The following PAPPA2 variants were observed in gnomAD, a reference collection of about 807,000 sequenced individuals.
PAPPA2 encodes pappalysin 2.
Under a neutral mutation model 176.4 loss-of-function variants are expected in PAPPA2, and 86 were observed. The ratio of observed to expected loss-of-function variants is 0.49; its 90% CI spans 0.41 to 0.58. The LOEUF is 0.58. PAPPA2 is among the 20% of genes least tolerant of loss of function. The pLI is 0.00. For missense variants in PAPPA2, 2,073 were observed against 2,256.9 expected (o/e 0.92, Z 1.65); for synonymous variants, 809 against 852.2 (o/e 0.95, Z 0.88).
At chr1:176,782,593 A>C (rs1356173759) in intron 17 of PAPPA2, among the ~76,000 whole-genome samples, 3 of 152,152 alleles carry the variant, frequency 2.0e-5, no homozygotes. Flanking sequence ...TGAGGCTGGG[A>C]AGGTCATGGG....
At chr1:176,538,760 C>T (rs1336871416) in intron 1 of PAPPA2, among the ~76,000 whole-genome samples, 1 of 152,162 alleles carries the variant, frequency 6.6e-6, no homozygotes, top group African/African-American at 2.4e-5. Context: ...CAATATCCCA[C>T]AAATTCAAGC....
intron 4 of PAPPA2, among the ~76,000 whole-genome samples, chr1:176,674,734 G>GTTT (rs765026167): frequency 1.5e-5 from 2 of 137,278 alleles, no homozygotes; most frequent in Non-Finnish European, 1.6e-5. Context: ...GTGTGCAAGT[G>GTTT]TTTTTTTTTT....
intron 2 of PAPPA2, among the ~76,000 whole-genome samples, chr1:176,561,977 C>G (rs1336817533): frequency 6.6e-6 from 1 of 152,132 alleles, no homozygotes; most frequent in Admixed American, 6.5e-5. Flanking sequence ...CATGAGATCT[C>G]CTGAGACTTA....
chr1:176,701,402 G>A (rs1660646229), intron 8 of PAPPA2, among the ~76,000 whole-genome samples: 1 of 152,136 alleles, frequency 6.6e-6, no homozygotes, highest in African/African-American at 2.4e-5. Flanking sequence ...CCTTGTAAAG[G>A]GAAACTGTCA....
intron 1 of PAPPA2, among the ~76,000 whole-genome samples, chr1:176,505,468 A>T (rs1648204926): frequency 6.6e-6 from 1 of 152,060 alleles, no homozygotes; most frequent in Non-Finnish European, 1.5e-5. Flanking sequence ...GTAGAGAAAC[A>T]CGTGAAGTGA....
At position 176,710,162 on chromosome 1, in the gene PAPPA2, G is replaced by A; in HGVS notation, c.3637G>A (p.Glu1213Lys). ...KKCPVSLVTG[E>K]PHSLICTSYH... ...GTGTCCTGTTTCCTTGGTAACTGGA[G>A]AACCTCATTCCCTAGTAAGTTAAGC... Residue 1213 changes from glutamate to lysine, a missense_variant, in exon 11 of 23, where the codon GAA (glutamate) becomes AAA (lysine). Physicochemically the swap from Glu to Lys is moderately conservative, Grantham distance 56 (BLOSUM62 1). Around this residue, in one of 4 missense-constraint regions of PAPPA2, gnomAD observed 846 missense variants for 857.9 expected, o/e 0.99. Transcript: ENST00000367662. 2 of 1,613,368 alleles carry A rather than the reference G, an allele frequency of 1.2e-6. No homozygotes were observed. The highest frequency in any genetic ancestry group is 1.7e-6 in the Non-Finnish European group (2 of 1,179,590).
At chr1:176,770,264 A>G (rs1004689948) in intron 16 of PAPPA2, among the ~76,000 whole-genome samples, 3 of 152,172 alleles carry the variant, frequency 2.0e-5, no homozygotes, top group Non-Finnish European at 2.9e-5. Context: ...GAGGCTTGCT[A>G]TAATTGCAGA....
chr1:176,752,739 T>A (rs1446244661), intron 14 of PAPPA2, among the ~76,000 whole-genome samples: 1 of 152,190 alleles, frequency 6.6e-6, no homozygotes, highest in East Asian at 1.9e-4. Context: ...TGACACAAAT[T>A]TTCCCATTGC....
chr1:176,815,049 T>C (rs963783009), intron 21 of PAPPA2, among the ~76,000 whole-genome samples: 6 of 152,176 alleles, frequency 3.9e-5, no homozygotes, highest in Non-Finnish European at 7.3e-5. Context: ...AATCATGTGG[T>C]TTTTGTCTTC....
At chr1:176,731,954 A>C (rs1662179660) in intron 12 of PAPPA2, among the ~76,000 whole-genome samples, 1 of 152,116 alleles carries the variant, frequency 6.6e-6, no homozygotes, top group South Asian at 2.1e-4. Flanking sequence ...CAGATAGTCA[A>C]ATTCAAGTGC....
intron 1 of PAPPA2, among the ~76,000 whole-genome samples, chr1:176,467,658 G>T (rs994560213): frequency 6.6e-6 from 1 of 152,194 alleles, no homozygotes; most frequent in Non-Finnish European, 1.5e-5. Flanking sequence ...AGTGGAGCCA[G>T]CTAACTTCAC....
chr1:176,568,860 G>A (rs1652143125), intron 2 of PAPPA2, among the ~76,000 whole-genome samples: 1 of 152,178 alleles, frequency 6.6e-6, no homozygotes, highest in African/African-American at 2.4e-5. Flanking sequence ...TTCTTCAGCT[G>A]TTTGATTGCA....
chr1:176,690,911 T>TAAAAAAAAAA (rs3039065), intron 5 of PAPPA2: 1 of 776,846 alleles, frequency 1.3e-6, no homozygotes. Context: ...TGTATGTTAC[T>TAAAAAAAAAA]AAAAAAAAAA....
At chr1:176,682,832 T>C (rs1659650214) in intron 4 of PAPPA2, among the ~76,000 whole-genome samples, 1 of 152,114 alleles carries the variant, frequency 6.6e-6, no homozygotes, top group African/African-American at 2.4e-5. Context: ...CTGCTCATTG[T>C]GGACAGCATG....
chr1:176,678,000 G>T (rs746938791), intron 4 of PAPPA2, among the ~76,000 whole-genome samples: 7 of 152,162 alleles, frequency 4.6e-5, no homozygotes, highest in Non-Finnish European at 1.0e-4. Flanking sequence ...GCCTAATTGT[G>T]CTGAAAGCAT....
At chr1:176,687,049 G>A (rs138027897) in intron 4 of PAPPA2, among the ~76,000 whole-genome samples, 312 of 152,268 alleles carry the variant, frequency 2.0e-3, no homozygotes, top group African/African-American at 7.2e-3. Flanking sequence ...TGAAATTAGA[G>A]CAATATTTTG....
chr1:176,649,250 T>C (rs1162822813), intron 3 of PAPPA2, among the ~76,000 whole-genome samples: 3 of 151,528 alleles, frequency 2.0e-5, no homozygotes, highest in African/African-American at 7.3e-5. Context: ...AATGATTCTT[T>C]GTATTCTGAG....
chr1:176,690,978 C>T (rs894793236), intron 5 of PAPPA2: 1 of 984,874 alleles, frequency 1.0e-6, no homozygotes, highest in Non-Finnish European at 1.2e-6. Flanking sequence ...TTCTTAGCTG[C>T]CTACCACCCT....
intron 17 of PAPPA2, among the ~76,000 whole-genome samples, chr1:176,779,354 A>G (rs1234752309): frequency 6.6e-6 from 1 of 151,786 alleles, no homozygotes; most frequent in Non-Finnish European, 1.5e-5. Context: ...CTCTCTAGTG[A>G]TGGGGTCAAG....
Sources: gnomAD v4.1 joint callset for allele counts (sites outside exome capture counted in the v4.1 genomes callset) on GRCh38, gnomAD v4.1.1 for gene constraint, gnomAD v4.1.1 regional missense constraint, MANE v1.5 for transcripts, NCBI Gene and HGNC (gene_info 2026-07-23, HGNC 2026-07-21) for gene names.